The following MCU variants were observed in gnomAD, a reference collection of about 807,000 sequenced individuals.
The protein encoded by MCU is calcium uniporter protein, mitochondrial.
MCU carries 12 observed loss-of-function variants against 45.2 expected under a neutral mutation model. The ratio of observed to expected loss-of-function variants is 0.27; its 90% CI spans 0.17 to 0.43. The LOEUF (loss-of-function observed/expected upper bound fraction) is 0.43. Among genes scored for constraint, MCU ranks in the 20% least tolerant of loss-of-function variants. The probability of loss-of-function intolerance (pLI) is 1.00; values close to 1 mark genes in which losing one functional copy is unlikely to be tolerated. For missense variants in MCU, 324 were observed against 436.7 expected, an observed-to-expected ratio of 0.74 and a Z score of 2.30; for synonymous variants, 160 against 165.1, an observed-to-expected ratio of 0.97 and a Z score of 0.24.
At chr10:72,789,174 A>C (rs1241282740) in intron 1 of MCU, among the ~76,000 whole-genome samples, 1 of 152,170 alleles carries the variant, frequency 6.6e-6, no homozygotes, top group African/African-American at 2.4e-5. Context: ...TGACTGTACC[A>C]GTTCTGAAAA....
chr10:72,861,109 C>T (rs1000250504), intron 4 of MCU, among the ~76,000 whole-genome samples: 6 of 152,062 alleles, frequency 3.9e-5, no homozygotes, highest in Non-Finnish European at 5.9e-5. Context: ...ACTGCAGCCT[C>T]GACCTCAAGT....
chr10:72,757,596 T>TA (rs1843597103), intron 1 of MCU, among the ~76,000 whole-genome samples: 1 of 53,772 alleles, frequency 1.9e-5, no homozygotes, highest in Non-Finnish European at 1.3e-4. Context: ...TTCATAATAA[T>TA]TTTTTTTTAA....
At chr10:72,714,238 T>G (rs1842929567) in intron 1 of MCU, among the ~76,000 whole-genome samples, 1 of 151,766 alleles carries the variant, frequency 6.6e-6, no homozygotes, top group Non-Finnish European at 1.5e-5. Flanking sequence ...GTGCTGGGAT[T>G]ACAGGCATGA....
At chr10:72,816,496 A>G (rs2132809962) in intron 1 of MCU, among the ~76,000 whole-genome samples, 1 of 152,358 alleles carries the variant, frequency 6.6e-6, no homozygotes, top group South Asian at 2.1e-4. Context: ...AGACTAAGAC[A>G]TCAGCAGGGC....
chr10:72,862,780 C>T (rs2132873665), intron 4 of MCU, among the ~76,000 whole-genome samples: 1 of 152,092 alleles, frequency 6.6e-6, no homozygotes. Flanking sequence ...GGGTTTAGGC[C>T]TGGTAAGGTG....
chr10:72,791,136 G>C (rs992224302), intron 1 of MCU, among the ~76,000 whole-genome samples: 2 of 152,160 alleles, frequency 1.3e-5, no homozygotes, highest in African/African-American at 4.8e-5. Context: ...GAGGTAACAA[G>C]TAGTGGCACA....
chr10:72,735,153 TC>T (rs1171902886), intron 1 of MCU, among the ~76,000 whole-genome samples: 2 of 152,076 alleles, frequency 1.3e-5, no homozygotes, highest in Non-Finnish European at 2.9e-5. Context: ...ATTTCAGTGT[TC>T]AGCATTTTTA....
intron 1 of MCU, among the ~76,000 whole-genome samples, chr10:72,765,811 A>G (rs1432735180): frequency 6.6e-6 from 1 of 151,222 alleles, no homozygotes; most frequent in Non-Finnish European, 1.5e-5. Flanking sequence ...AAAAAAAAGA[A>G]AGAAACTCGA....
At chr10:72,696,161 C>CAAAA (rs58694098) in intron 1 of MCU, among the ~76,000 whole-genome samples, 1 of 30,642 alleles carries the variant, frequency 3.3e-5, no homozygotes, top group Non-Finnish European at 5.6e-5. Flanking sequence ...AACTCCGACT[C>CAAAA]AAAAAAAAAA....
chr10:72,857,007 C>G (rs189336628), intron 2 of MCU, among the ~76,000 whole-genome samples: 1 of 151,086 alleles, frequency 6.6e-6, no homozygotes, highest in African/African-American at 2.4e-5. Flanking sequence ...AGTGCAGTGG[C>G]ACAATCATAG....
intron 2 of MCU, among the ~76,000 whole-genome samples, chr10:72,847,944 C>T (rs575754123): frequency 3.9e-5 from 6 of 152,144 alleles, no homozygotes; most frequent in South Asian, 2.1e-4. Flanking sequence ...ATATGATGAC[C>T]GGCTTCCCCT....
Position 72,885,968 on chromosome 10 carries a change from A to G in MCU, c.*146A>G. On this transcript the variant is annotated 3_prime_UTR_variant, in exon 8 of 8. Transcript: ENST00000373053. Reference sequence around the variant, plus strand: ...ACAAAAACAGAAAGGATCTGAGGGAAGAAGGGAATGTTAAAACCTGAGGAT... The same window carrying G: ...ACAAAAACAGAAAGGATCTGAGGGAGGAAGGGAATGTTAAAACCTGAGGAT... 1.6e-6 allele frequency: 1 copy of G among 619,974 alleles called. No homozygotes were observed. Among genetic ancestry groups the G allele is most frequent in the African/African-American group, 1.8e-5 (1 of 54,160 alleles). 38.4% of individuals were successfully genotyped at this position (619,974 alleles called of 1,614,324 possible). A position where few individuals can be genotyped will look rare whatever the true frequency, so the allele number is the denominator to read the frequency against.
chr10:72,701,876 C>T (rs537290263), intron 1 of MCU, among the ~76,000 whole-genome samples: 7 of 152,162 alleles, frequency 4.6e-5, no homozygotes, highest in South Asian at 2.1e-4. Context: ...CCTCCCCTCC[C>T]GGTGTTAGCT....
At chr10:72,824,656 T>C (rs1009093021) in intron 1 of MCU, among the ~76,000 whole-genome samples, 1 of 152,244 alleles carries the variant, frequency 6.6e-6, no homozygotes, top group African/African-American at 2.4e-5. Context: ...CCAGCTACTT[T>C]GCTAAAGCTT....
chr10:72,731,384 GC>G (rs1392712357), intron 1 of MCU, among the ~76,000 whole-genome samples: 1 of 152,186 alleles, frequency 6.6e-6, no homozygotes, highest in Admixed American at 6.5e-5. Flanking sequence ...ATATTGGAAA[GC>G]TATAGCTGTC....
At chr10:72,721,294 A>G (rs1348510560) in intron 1 of MCU, among the ~76,000 whole-genome samples, 1 of 152,174 alleles carries the variant, frequency 6.6e-6, no homozygotes, top group Non-Finnish European at 1.5e-5. Flanking sequence ...TAGTGACAAT[A>G]AACTGGCTCT....
At chr10:72,808,724 A>G (rs1211098998) in intron 1 of MCU, among the ~76,000 whole-genome samples, 1 of 152,220 alleles carries the variant, frequency 6.6e-6, no homozygotes, top group East Asian at 1.9e-4. Flanking sequence ...AATCATGGCT[A>G]GAATCATGGC....
At chr10:72,810,486 T>TG (rs1844524221) in intron 1 of MCU, among the ~76,000 whole-genome samples, 1 of 90,956 alleles carries the variant, frequency 1.1e-5, no homozygotes, top group Non-Finnish European at 2.8e-5. Context: ...TTTTTTTTTT[T>TG]GACGGAGTTT....
Position 72,714,123 on chromosome 10 carries a change from C to T in MCU, c.150+21822C>T, listed in dbSNP as rs563181607. On this transcript the variant is annotated intron_variant, in intron 1 of 7. Transcript: ENST00000373053. ...CTGGGATTACAGGTGTGCTCTACCA[C>T]ACCTGGCTAATTTTTGTATTTTTAG... Among the ~76,000 whole-genome samples, 18 of 151,620 alleles carry T rather than the reference C, an allele frequency of 1.2e-4. No homozygotes were observed. The South Asian group carries it at 2.3e-3, about 19-fold the overall frequency.
Sources: allele counts gnomAD v4.1 joint callset (sites outside exome capture counted in the v4.1 genomes callset), GRCh38; gene constraint gnomAD v4.1.1; transcripts MANE v1.5; gene names NCBI Gene and HGNC (gene_info 2026-07-23, HGNC 2026-07-21).